NLRC5: variants seen among roughly 807,000 people sequenced by gnomAD.
NLRC5 encodes the protein protein NLRC5.
In NLRC5, 114 loss-of-function variants were observed where a neutral mutation model predicts 206.9. That is an observed-to-expected ratio of 0.55 (90% CI 0.47 to 0.64). The LOEUF (loss-of-function observed/expected upper bound fraction) is 0.64, where lower values mean the gene tolerates loss of function less well. Among genes scored for constraint, NLRC5 ranks in the 30% least tolerant of loss-of-function variants. NLRC5 has a pLI of 0.00. For missense variants in NLRC5, 2,008 were observed against 2,305.5 expected (o/e 0.87, Z 2.64); for synonymous variants, 952 against 962.8 (o/e 0.99, Z 0.21).
chr16:57,043,462 G>A (rs1474205503), intron 19 of NLRC5, 53 bp from the exon 20 acceptor site: 2 of 1,326,284 alleles, frequency 1.5e-6, no homozygotes, highest in Non-Finnish European at 2.2e-6. Context: ...ACCACAAAGA[G>A]GATGTGTTTG....
At chr16:57,012,060 T>C (rs529729588) in intron 1 of NLRC5, among the ~76,000 whole-genome samples, 17 of 152,238 alleles carry the variant, frequency 1.1e-4, no homozygotes, top group Non-Finnish European at 2.4e-4. Flanking sequence ...TTCCTATTTC[T>C]GCTCCCAGGC....
chr16:57,075,492 T>C (rs2068286404), intron 39 of NLRC5, among the ~76,000 whole-genome samples: 2 of 152,284 alleles, frequency 1.3e-5, no homozygotes, highest in African/African-American at 4.8e-5. Context: ...AGTGCTGGGA[T>C]TACAGGCGTG....
chr16:57,030,607 T>A (rs1172898746), intron 10 of NLRC5, among the ~76,000 whole-genome samples: 2 of 95,868 alleles, frequency 2.1e-5, no homozygotes, highest in African/African-American at 8.3e-5. Context: ...TGGATAGGTG[T>A]GTGAAAAGAT....
At chr16:57,077,515 C>T in intron 41 of NLRC5, 136 bp downstream of exon 41, 2 of 935,406 alleles carry the variant, frequency 2.1e-6, no homozygotes, top group Non-Finnish European at 3.2e-6. Flanking sequence ...GGCTCGGTGA[C>T]CTCCTGGCCC....
In NLRC5 at chr16:57,023,814, TC is replaced by T; in HGVS notation, c.387del (p.Ser130HisfsTer12). On this transcript the variant is annotated frameshift_variant, in exon 5 of 49. Coordinates refer to ENST00000688547, the MANE Select transcript of NLRC5 (RefSeq NM_001384950.1). LOFTEE classifies it high-confidence loss of function. The part of the protein sequence containing the change: ...GLKRPHQSCG[S>X]SPRRKQCKKQ... ...GAAGCGCCCACATCAGAGCTGTGGG[TC>T]CTCACCCCGCCGGAAGCAGTGCAAG... 6.2e-7 allele frequency: 1 copy of T among 1,612,100 alleles called. No individual in the cohort carries two copies. Among genetic ancestry groups the T allele is most frequent in the Admixed American group, 1.7e-5 (1 of 59,804 alleles).
At chr16:57,063,742 T>C (rs565332148) in intron 32 of NLRC5, among the ~76,000 whole-genome samples, 2 of 151,914 alleles carry the variant, frequency 1.3e-5, no homozygotes, top group East Asian at 3.9e-4. Context: ...GCACCCAAAA[T>C]AACTTTTTTT....
Position 57,077,311 on chromosome 16 carries a change from G to T in NLRC5, c.4851G>T (p.Gln1617His), listed in dbSNP as rs756254996. 1 of 1,614,134 alleles carries T rather than the reference G, an allele frequency of 6.2e-7. No individual in the cohort carries two copies. ...SLEELDLSHN[Q>H]IGDAGVQHLA... Reference sequence around the variant, plus strand: ...CTCCCCCAAGCTTGAGCCACAACCAGATTGGAGACGCTGGTGTCCAGCACT... The same window carrying T: ...CTCCCCCAAGCTTGAGCCACAACCATATTGGAGACGCTGGTGTCCAGCACT... The change falls in exon 41 of 49, where the codon CAG becomes CAT. Residue 1617 changes from glutamine (Q) to histidine (H), a missense_variant. Physicochemically the swap from Gln to His is conservative, Grantham distance 24 (BLOSUM62 0). Coordinates refer to ENST00000688547, the MANE Select transcript of NLRC5 (RefSeq NM_001384950.1).
At position 57,079,215 on chromosome 16, in the gene NLRC5, C is replaced by T; in HGVS notation, c.5166-6C>T. The T allele has an allele frequency of 6.2e-7, 1 of 1,614,026 alleles. No homozygotes were observed. The highest frequency in any genetic ancestry group is 1.1e-5 in the South Asian group (1 of 91,092). The stretch of plus-strand genomic sequence containing the variant: ...TCCTCTCACAGGTATCTCCCCTACC[C>T]TGCAGCTTGGCGGAAAACAACCTGG... On this transcript the variant is annotated splice_region_variant and splice_polypyrimidine_tract_variant and intron_variant, in intron 44 of 48. Coordinates refer to ENST00000688547, the MANE Select transcript of NLRC5 (RefSeq NM_001384950.1).
chr16:57,036,065 C>A (rs766482160), intron 13 of NLRC5, 35 bp from the exon 14 acceptor site: 6 of 1,579,044 alleles, frequency 3.8e-6, no homozygotes, highest in South Asian at 1.1e-5. Flanking sequence ...AGGACTCCAG[C>A]CCCACAATAC....
rs773155506 is a variant in NLRC5, at chr16:57,025,630, G to C, written c.687G>C (p.Lys229Asn). 6.2e-7 allele frequency: 1 copy of C among 1,614,080 alleles called. No individual in the cohort carries two copies. The highest frequency in any genetic ancestry group is 1.3e-5 in the African/African-American group (1 of 74,934). The change falls in exon 6 of 49, where the codon AAG becomes AAC. Residue 229 changes from lysine to asparagine, a missense_variant. Lys to Asn is a moderately conservative substitution (Grantham distance 94, BLOSUM62 0). Coordinates refer to ENST00000688547, the MANE Select transcript of NLRC5 (RefSeq NM_001384950.1). ...CGAGGGTGACCGTGCTTTTGGGGAA[G>C]GCTGGCATGGGCAAGACCACGCTGG... ...KGPRVTVLLG[K>N]AGMGKTTLAH...
At chr16:57,018,428 T>G (rs2060309694) in intron 2 of NLRC5, among the ~76,000 whole-genome samples, 1 of 152,172 alleles carries the variant, frequency 6.6e-6, no homozygotes, top group South Asian at 2.1e-4. Flanking sequence ...TCCGTCTGCT[T>G]AGTGGAGGTG....
At position 57,081,181 on chromosome 16, in the gene NLRC5, A is replaced by C; in HGVS notation, c.5405A>C (p.Asp1802Ala). ...CAGATGGGCCGGCTGAAGAGAGTGG[A>C]GTATGAGGGGCCGGGGGAGGAATGG... ...LPQMGRLKRV[D>A]LEKNQITALG... The change falls in exon 47 of 49, where the codon GAC becomes GCC. Residue 1802 changes from aspartate to alanine, a missense_variant and splice_region_variant. Transcript: ENST00000688547. 1 of 1,540,286 alleles carries C rather than the reference A, an allele frequency of 6.5e-7. No homozygotes were observed. The highest frequency in any genetic ancestry group is 1.2e-5 in the South Asian group (1 of 84,110).
At chr16:57,001,405 C>T (rs2058230454) in intron 1 of NLRC5, among the ~76,000 whole-genome samples, 2 of 152,182 alleles carry the variant, frequency 1.3e-5, no homozygotes, top group Non-Finnish European at 2.9e-5. Flanking sequence ...CCTCCTTAAT[C>T]TAATCCTCAA....
intron 1 of NLRC5, among the ~76,000 whole-genome samples, chr16:57,000,323 A>G (rs1225678138): frequency 1.3e-5 from 2 of 152,132 alleles, no homozygotes; most frequent in Non-Finnish European, 2.9e-5. Context: ...CTCTTGGTGG[A>G]AAGTTCAAGC....
chr16:57,041,922 G>A, intron 18 of NLRC5, 60 bp from the exon 19 acceptor site: 3 of 1,160,746 alleles, frequency 2.6e-6, no homozygotes, highest in Non-Finnish European at 3.6e-6. Flanking sequence ...CAGGGACCAT[G>A]CTGCCAGCAA....
At chr16:57,019,130 C>T (rs908877912) in intron 2 of NLRC5, among the ~76,000 whole-genome samples, 3 of 152,174 alleles carry the variant, frequency 2.0e-5, no homozygotes, top group African/African-American at 7.2e-5. Flanking sequence ...CATGATGGCT[C>T]ACACCTGTAA....
intron 1 of NLRC5, among the ~76,000 whole-genome samples, chr16:56,996,281 G>A (rs942263234): frequency 6.6e-6 from 1 of 152,000 alleles, no homozygotes; most frequent in Non-Finnish European, 1.5e-5. Context: ...AGGCTCAATC[G>A]ATCCTCCTGC....
chr16:57,047,334 G>A (rs753386156), intron 22 of NLRC5, among the ~76,000 whole-genome samples: 16 of 152,070 alleles, frequency 1.1e-4, no homozygotes, highest in Non-Finnish European at 2.1e-4. Context: ...AAGGGCAGCT[G>A]GGAACTCAGG....
chr16:57,081,640 T>A, intron 48 of NLRC5, 30 bp downstream of exon 48: 1 of 1,591,932 alleles, frequency 6.3e-7, no homozygotes, highest in Non-Finnish European at 8.6e-7. Context: ...GCAGGGATGG[T>A]GGGTGGGAGG....
Sources: allele counts gnomAD v4.1 joint callset (sites outside exome capture counted in the v4.1 genomes callset), GRCh38; gene constraint gnomAD v4.1.1; transcripts MANE v1.5; gene names NCBI Gene and HGNC (gene_info 2026-07-23, HGNC 2026-07-21).